The following RUNX2 variants were observed in gnomAD, a reference collection of about 807,000 sequenced individuals.
RUNX2 encodes the protein RUNX family transcription factor 2.
A neutral mutation model predicts 51.7 loss-of-function variants in RUNX2; 10 were observed. The ratio of observed to expected loss-of-function variants is 0.19; its 90% CI spans 0.12 to 0.33. The LOEUF (loss-of-function observed/expected upper bound fraction) is 0.33, where lower values mean the gene tolerates loss of function less well. Ranked by LOEUF, RUNX2 falls within the 10% of genes least tolerant of loss-of-function variation. The pLI, the probability that RUNX2 is intolerant of heterozygous loss-of-function variation, is 1.00. For synonymous variants in RUNX2, 276 were observed against 273.6 expected, an observed-to-expected ratio of 1.01 and a Z score of -0.09; for missense variants, 562 against 691.3, an observed-to-expected ratio of 0.81 and a Z score of 2.10.
intron 2 of RUNX2, among the ~76,000 whole-genome samples, chr6:45,347,722 T>C (rs566654354): frequency 6.6e-6 from 1 of 152,002 alleles, no homozygotes; most frequent in Non-Finnish European, 1.5e-5. Flanking sequence ...ATCCAAATAC[T>C]TTATTTTTCT....
At chr6:45,525,712 C>T (rs184361462) in intron 7 of RUNX2, among the ~76,000 whole-genome samples, 8 of 152,108 alleles carry the variant, frequency 5.3e-5, no homozygotes, top group East Asian at 1.9e-4. Flanking sequence ...AACTAAATTC[C>T]GGCTGGGTGC....
chr6:45,408,844 C>A (rs569514705), intron 2 of RUNX2, among the ~76,000 whole-genome samples: 7 of 152,134 alleles, frequency 4.6e-5, no homozygotes, highest in Non-Finnish European at 8.8e-5. Flanking sequence ...TGTAGCTTGC[C>A]AATTACACTG....
chr6:45,376,807 C>T (rs1371379769), intron 2 of RUNX2, among the ~76,000 whole-genome samples: 1 of 151,780 alleles, frequency 6.6e-6, no homozygotes, highest in Non-Finnish European at 1.5e-5. Flanking sequence ...CCAGAGTCTG[C>T]CCTTCACATA....
At chr6:45,338,846 C>T (rs1370736794) in intron 2 of RUNX2, among the ~76,000 whole-genome samples, 1 of 152,014 alleles carries the variant, frequency 6.6e-6, no homozygotes, top group East Asian at 1.9e-4. Context: ...GAGGTACTCA[C>T]TCTTGCACAG....
intron 2 of RUNX2, among the ~76,000 whole-genome samples, chr6:45,359,978 C>T (rs1014106369): frequency 1.3e-5 from 2 of 152,104 alleles, no homozygotes; most frequent in African/African-American, 4.8e-5. Context: ...TACTAATAAC[C>T]GAGCAATCAA....
intron 6 of RUNX2, among the ~76,000 whole-genome samples, chr6:45,511,668 T>A (rs761708561): frequency 2.0e-5 from 3 of 152,140 alleles, no homozygotes; most frequent in Admixed American, 1.3e-4. Context: ...CTTCACCCCA[T>A]GCTAGAAAGG....
intron 2 of RUNX2, among the ~76,000 whole-genome samples, chr6:45,407,667 T>C (rs1797866062): frequency 6.6e-6 from 1 of 151,944 alleles, no homozygotes; most frequent in South Asian, 2.1e-4. Context: ...CTAATTTTTT[T>C]TTTTGACTTT....
At chr6:45,478,588 C>T (rs916219718) in intron 5 of RUNX2, among the ~76,000 whole-genome samples, 2 of 152,122 alleles carry the variant, frequency 1.3e-5, no homozygotes, top group Non-Finnish European at 2.9e-5. Flanking sequence ...TTTAATCAGA[C>T]ACTGCCTTGG....
chr6:45,412,184 A>C (rs12200446), intron 2 of RUNX2, among the ~76,000 whole-genome samples: 9 of 105,180 alleles, frequency 8.6e-5, no homozygotes, highest in Non-Finnish European at 1.3e-4. Context: ...TCTATAAAAA[A>C]TACAAAAAAA....
chr6:45,516,299 G>A lies in RUNX2; in HGVS notation c.1021+3892G>A, dbSNP rs1375070208. Among the ~76,000 whole-genome samples the A allele has an allele frequency of 2.0e-5, 3 of 152,290 alleles. No homozygotes were observed. The South Asian group carries it at 6.2e-4, about 32-fold the overall frequency. Reference sequence around the variant, plus strand: ...GGAAATATTTCCTTAACATTGGGTAGCCTTAAATATTGTAATGGAACAACA... The same window carrying A: ...GGAAATATTTCCTTAACATTGGGTAACCTTAAATATTGTAATGGAACAACA... On this transcript the variant is annotated intron_variant, in intron 7 of 8. Coordinates refer to ENST00000647337, the MANE Select transcript of RUNX2 (RefSeq NM_001024630.4).
intron 2 of RUNX2, chr6:45,371,772 C>CAACT (rs1796103504): frequency 1.1e-6 from 1 of 923,086 alleles, no homozygotes; most frequent in South Asian, 5.0e-5. Flanking sequence ...GATGGATAAG[C>CAACT]AACTATAACA....
Position 45,549,509 on chromosome 6 carries a change from TTAAG to T in RUNX2, c.*2209_*2212del, listed in dbSNP as rs1400425880. On this transcript the variant is annotated 3_prime_UTR_variant, in exon 9 of 9. Transcript: ENST00000647337. ...GATAAATAAGCCACTTTTCTATTAC[TTAAG>T]TAAGAAGGAAGTAGTAATTGATACT... The T allele has an allele frequency of 7.5e-6, 3 of 397,438 alleles. No homozygotes were observed. The highest frequency in any genetic ancestry group is 1.3e-5 in the Non-Finnish European group (3 of 225,886). 24.6% of individuals were successfully genotyped at this position (397,438 alleles called of 1,614,324 possible). A position where few individuals can be genotyped will look rare whatever the true frequency, so the allele number is the denominator to read the frequency against.
chr6:45,429,725 G>A (rs1240774519), intron 3 of RUNX2, among the ~76,000 whole-genome samples: 2 of 152,218 alleles, frequency 1.3e-5, no homozygotes, highest in African/African-American at 4.8e-5. Context: ...CCCTCTCAGA[G>A]TTTTAGTGGG....
At chr6:45,541,778 A>G (rs1409304816) in intron 7 of RUNX2, among the ~76,000 whole-genome samples, 1 of 152,226 alleles carries the variant, frequency 6.6e-6, no homozygotes, top group Non-Finnish European at 1.5e-5. Flanking sequence ...AGAGGCCAAG[A>G]GGACATGGGG....
At chr6:45,346,292 G>A (rs1790841926) in intron 2 of RUNX2, among the ~76,000 whole-genome samples, 1 of 152,022 alleles carries the variant, frequency 6.6e-6, no homozygotes, top group South Asian at 2.1e-4. Context: ...TTGTTCATAG[G>A]AAATGCTATG....
intron 2 of RUNX2, among the ~76,000 whole-genome samples, chr6:45,331,002 T>C (rs904551000): frequency 5.3e-5 from 8 of 152,034 alleles, no homozygotes; most frequent in African/African-American, 1.2e-4. Context: ...GTCTTAAGTA[T>C]GTGCCCCAAT....
At chr6:45,525,156 G>A (rs1801634192) in intron 7 of RUNX2, among the ~76,000 whole-genome samples, 1 of 152,176 alleles carries the variant, frequency 6.6e-6, no homozygotes, top group Admixed American at 6.5e-5. Context: ...AAAAAGGAAA[G>A]AGTTTGGCCC....
At chr6:45,526,766 G>C (rs1307930919) in intron 7 of RUNX2, among the ~76,000 whole-genome samples, 1 of 152,138 alleles carries the variant, frequency 6.6e-6, no homozygotes, top group African/African-American at 2.4e-5. Flanking sequence ...CTAAATTCAG[G>C]CTTCTTTACT....
intron 2 of RUNX2, among the ~76,000 whole-genome samples, chr6:45,349,211 A>G (rs1433809472): frequency 1.3e-5 from 2 of 152,164 alleles, no homozygotes; most frequent in Non-Finnish European, 2.9e-5. Flanking sequence ...CTACTTCTAC[A>G]TATTTAAAGT....
Sources: allele counts gnomAD v4.1 joint callset (sites outside exome capture counted in the v4.1 genomes callset), GRCh38; gene constraint gnomAD v4.1.1; transcripts MANE v1.5; gene names NCBI Gene and HGNC (gene_info 2026-07-23, HGNC 2026-07-21).